Variants in SLC2A1 observed in about 807,000 individuals in gnomAD.
SLC2A1 encodes solute carrier family 2 member 1.
A neutral mutation model predicts 46.6 loss-of-function variants in SLC2A1; 4 were observed. That is an observed-to-expected ratio of 0.09 (90% CI 0.04 to 0.20). The LOEUF (loss-of-function observed/expected upper bound fraction) is 0.20, where lower values mean the gene tolerates loss of function less well. Ranked by LOEUF, SLC2A1 falls within the 10% of genes least tolerant of loss-of-function variation. The pLI, the probability that SLC2A1 is intolerant of heterozygous loss-of-function variation, is 1.00. For missense variants in SLC2A1, 352 were observed against 667.0 expected (o/e 0.53, Z 5.20); for synonymous variants, 253 against 270.0 (o/e 0.94, Z 0.62).
At chr1:42,958,551 C>T (rs1643806584) in intron 1 of SLC2A1, 83 bp downstream of exon 1, 2 of 1,205,136 alleles carry the variant, frequency 1.7e-6, no homozygotes, top group South Asian at 3.4e-5. Flanking sequence ...AGCGGGGCGG[C>T]GGGGGAGGCC....
At chr1:42,931,656 T>C (rs1411919006) in intron 2 of SLC2A1, among the ~76,000 whole-genome samples, 1 of 151,474 alleles carries the variant, frequency 6.6e-6, no homozygotes, top group African/African-American at 2.4e-5. Context: ...TGAAACCCTA[T>C]CTCTACTAAA....
Position 42,927,540 on chromosome 1 carries a change from A to G in SLC2A1, c.1278+65T>C. The G allele has an allele frequency of 6.8e-7, 1 of 1,463,638 alleles. No homozygotes were observed. The highest frequency in any genetic ancestry group is 1.2e-5 in the South Asian group (1 of 86,376). The allele number at this position is 1,463,638 out of a possible 1,614,324, so 90.7% of individuals were successfully genotyped here. ...TGATTCCTAATGAGAATGCTGGGCC[A>G]GCACTTTGCACAGCACTGTGGGGTC... On this transcript the variant is annotated intron_variant, in intron 9 of 9. Transcript: ENST00000426263. This position sits in a 1 kb window ranked among gnomAD's most constrained non-coding sequence, Gnocchi z 5.3.
Position 42,943,298 on chromosome 1 carries a change from C to T in SLC2A1, c.42G>A (p.Leu14=). ...AGCCAAGCACTGCTCCTCCCACGGC[C>T]AGCATGAGGCGACCCGTCAGCTTCT... ...SSKKLTGRLM[L]AVGGAVLGSL... The change falls in exon 2 of 10, where the codon CTG becomes CTA. Residue 14 remains leucine (L), a synonymous_variant. Coordinates refer to ENST00000426263, the MANE Select transcript of SLC2A1 (RefSeq NM_006516.4). The T allele has an allele frequency of 6.2e-7, 1 of 1,613,902 alleles. No homozygotes were observed. The highest frequency in any genetic ancestry group is 8.5e-7 in the Non-Finnish European group (1 of 1,179,908).
intron 1 of SLC2A1, 55 bp from the exon 2 acceptor site, chr1:42,943,376 G>T (rs1480807973): frequency 7.6e-7 from 1 of 1,315,580 alleles, no homozygotes; most frequent in East Asian, 2.4e-5. Context: ...GGTTACTACA[G>T]GGCAGGGCCT....
At chr1:42,956,956 G>A (rs1440087695) in intron 1 of SLC2A1, among the ~76,000 whole-genome samples, 1 of 152,190 alleles carries the variant, frequency 6.6e-6, no homozygotes, top group African/African-American at 2.4e-5. Flanking sequence ...AGGGCTATAA[G>A]GTCCGTGACG....
chr1:42,958,776 C>T lies in SLC2A1; in HGVS notation c.-125G>A. 2 of 1,045,454 alleles carry T rather than the reference C, an allele frequency of 1.9e-6. No homozygotes were observed. Among genetic ancestry groups the T allele is most frequent in the Non-Finnish European group, 1.4e-6 (1 of 718,128 alleles). 64.8% of individuals were successfully genotyped at this position (1,045,454 alleles called of 1,614,324 possible). A position where few individuals can be genotyped will look rare whatever the true frequency, so the allele number is the denominator to read the frequency against. On this transcript the variant is annotated 5_prime_UTR_variant, in exon 1 of 10. Transcript: ENST00000426263. ...ACTCCCACTGCGACTCTGACTCCGA[C>T]CCCCGTCGTTTGGTCTCCTGCTCCC...
intron 2 of SLC2A1, among the ~76,000 whole-genome samples, chr1:42,939,056 G>T (rs115956671): frequency 6.6e-6 from 1 of 152,348 alleles, no homozygotes; most frequent in Non-Finnish European, 1.5e-5. Flanking sequence ...GTCTAGGACC[G>T]CATCTGGCAC....
intron 8 of SLC2A1, among the ~76,000 whole-genome samples, chr1:42,928,536 C>T (rs1447243134): frequency 1.3e-5 from 2 of 152,182 alleles, no homozygotes; most frequent in East Asian, 3.8e-4. Flanking sequence ...ACTACACCTC[C>T]AGTCGTGTGA....
At chr1:42,940,025 C>G (rs1374017129) in intron 2 of SLC2A1, among the ~76,000 whole-genome samples, 1 of 149,238 alleles carries the variant, frequency 6.7e-6, no homozygotes, top group Non-Finnish European at 1.5e-5. Context: ...TGCTCCGACA[C>G]CACCCTCCCT....
Position 42,926,810 on chromosome 1 carries a change from T to C in SLC2A1, c.*231A>G. ...AACAAAATCAGTAATAAAAAAATTA[T>C]AAAACCTGTTGCTTGTCTGAATAGA... On this transcript the variant is annotated 3_prime_UTR_variant, in exon 10 of 10. Transcript: ENST00000426263. 6.7e-7 allele frequency: 1 copy of C among 1,495,268 alleles called. No homozygotes were observed. The highest frequency in any genetic ancestry group is 8.9e-7 in the Non-Finnish European group (1 of 1,128,670). The allele number at this position is 1,495,268 out of a possible 1,614,324, so 92.6% of individuals were successfully genotyped here. A position where few individuals can be genotyped will look rare whatever the true frequency, so the allele number is the denominator to read the frequency against.
In SLC2A1 at chr1:42,933,048, A is replaced by T. The variant is rs375647005; in HGVS notation, c.115-1842T>A. ...CTTATTTCCAGTGTGACCATGAGCA[A>T]GTTATTTCATCTGTGAGTTTCCATG... On this transcript the variant is annotated intron_variant, in intron 2 of 9. Coordinates refer to ENST00000426263, the MANE Select transcript of SLC2A1 (RefSeq NM_006516.4). Among the ~76,000 whole-genome samples the T allele has an allele frequency of 1.4e-3, 220 of 152,322 alleles. 1 individual carries two copies. Among genetic ancestry groups the T allele is most frequent in the African/African-American group, 5.1e-3 (210 of 41,564 alleles).
Position 42,930,451 on chromosome 1 carries a change from T to C in SLC2A1, c.516+175A>G, listed in dbSNP as rs1643476391. The C allele has an allele frequency of 1.2e-6, 1 of 860,244 alleles. No homozygotes were observed. The highest frequency in any genetic ancestry group is 1.9e-6 in the Non-Finnish European group (1 of 517,314). The allele number at this position is 860,244 out of a possible 1,614,324, so 53.3% of individuals were successfully genotyped here. A position where few individuals can be genotyped will look rare whatever the true frequency, so the allele number is the denominator to read the frequency against. On this transcript the variant is annotated intron_variant, in intron 4 of 9. Coordinates refer to ENST00000426263, the MANE Select transcript of SLC2A1 (RefSeq NM_006516.4). This position sits in a 1 kb window ranked among gnomAD's most constrained non-coding sequence, Gnocchi z 6.2. ...ACTGAGAAGAGTCAAGTCATCTTGC[T>C]GTCAACTGGGAGGCCATGGTGCTGT...
Position 42,930,320 on chromosome 1 carries a change from C to G in SLC2A1, c.517-285G>C. 1 of 626,990 alleles carries G rather than the reference C, an allele frequency of 1.6e-6. No individual in the cohort carries two copies. Among genetic ancestry groups the G allele is most frequent in the Non-Finnish European group, 2.9e-6 (1 of 348,560 alleles). The allele number at this position is 626,990 out of a possible 1,614,324, so 38.8% of individuals were successfully genotyped here. A position where few individuals can be genotyped will look rare whatever the true frequency, so the allele number is the denominator to read the frequency against. On this transcript the variant is annotated intron_variant, in intron 4 of 9. Transcript: ENST00000426263. This position sits in a 1 kb window ranked among gnomAD's most constrained non-coding sequence, Gnocchi z 6.2. ...CTCTGCCACAAGAGGGTTTTGGGGA[C>G]AGGGAAGGGGAAGCCTCCTGGAGAG... is the stretch of plus-strand genomic sequence containing the variant.
intron 8 of SLC2A1, 36 bp downstream of exon 8, chr1:42,928,896 C>T (rs548369746): frequency 4.4e-6 from 7 of 1,581,104 alleles, no homozygotes; most frequent in Non-Finnish European, 6.1e-6. Flanking sequence ...GGCAAACTCT[C>T]CCGCATCCCT....
chr1:42,957,037 A>G (rs944398166), intron 1 of SLC2A1, among the ~76,000 whole-genome samples: 6 of 152,238 alleles, frequency 3.9e-5, no homozygotes, highest in Non-Finnish European at 8.8e-5. Flanking sequence ...GTATTCCCTT[A>G]TCCACTCAAC....
At chr1:42,945,736 CTCA>C (rs1643647357) in intron 1 of SLC2A1, among the ~76,000 whole-genome samples, 1 of 86,900 alleles carries the variant, frequency 1.2e-5, no homozygotes, top group South Asian at 3.7e-4. Flanking sequence ...CAGACTCTGT[CTCA>C]AAAAAAAAAA....
chr1:42,955,587 ACCT>A (rs929603672), intron 1 of SLC2A1, among the ~76,000 whole-genome samples: 17 of 152,200 alleles, frequency 1.1e-4, no homozygotes, highest in Non-Finnish European at 2.1e-4. Flanking sequence ...ACAGAGTGAG[ACCT>A]CGTCTCAAAA....
In SLC2A1 at chr1:42,929,390, G is replaced by A; in HGVS notation, c.868-76C>T. On this transcript the variant is annotated intron_variant, in intron 6 of 9. Coordinates refer to ENST00000426263, the MANE Select transcript of SLC2A1 (RefSeq NM_006516.4). The surrounding 1 kb of genome is among the most constrained non-coding windows in gnomAD (Gnocchi z 6.0). ...CCTGCCTCTGTAGCAGTGGATGTGG[G>A]ACCCAGGATGAGTAAAGAATGAAGG... is the stretch of plus-strand genomic sequence containing the variant. The A allele has an allele frequency of 1.6e-6, 2 of 1,244,964 alleles. No individual in the cohort carries two copies. The highest frequency in any genetic ancestry group is 2.3e-6 in the Non-Finnish European group (2 of 863,136). The allele number at this position is 1,244,964 out of a possible 1,614,324, so 77.1% of individuals were successfully genotyped here.
intron 1 of SLC2A1, chr1:42,952,405 A>G (rs560640919): frequency 1.0e-5 from 5 of 481,026 alleles, no homozygotes; most frequent in African/African-American, 2.0e-5. Context: ...AGGCTGATGC[A>G]GTCGATCAGC....
Sources: allele counts gnomAD v4.1 joint callset (sites outside exome capture counted in the v4.1 genomes callset), GRCh38; gene constraint gnomAD v4.1.1; non-coding constraint Gnocchi (gnomAD v3.1); transcripts MANE v1.5; gene names NCBI Gene and HGNC (gene_info 2026-07-23, HGNC 2026-07-21).